CACNA1C: variants seen among roughly 807,000 people sequenced by gnomAD.
CACNA1C encodes the protein voltage-dependent L-type calcium channel subunit alpha-1C.
In CACNA1C, 30 loss-of-function variants were observed where a neutral mutation model predicts 229.0. The observed-to-expected ratio is 0.13, with a 90% confidence interval of 0.10 to 0.18. The LOEUF is 0.18. Among genes scored for constraint, CACNA1C ranks in the 10% least tolerant of loss-of-function variants. The pLI is 1.00. For missense variants in CACNA1C, 1,658 were observed against 2,845.0 expected (o/e 0.58, Z 9.49); for synonymous variants, 1,114 against 1,132.5 (o/e 0.98, Z 0.33).
intron 3 of CACNA1C, among the ~76,000 whole-genome samples, chr12:2,316,588 G>C (rs929538695): frequency 1.3e-5 from 2 of 152,182 alleles, no homozygotes; most frequent in African/African-American, 4.8e-5. Flanking sequence ...ACCGTGCCAG[G>C]CTTGGTCTCA....
At chr12:2,255,026 G>A (rs548000102) in intron 3 of CACNA1C, among the ~76,000 whole-genome samples, 5 of 152,292 alleles carry the variant, frequency 3.3e-5, no homozygotes, top group South Asian at 2.1e-4. Context: ...GGAAGCAGCT[G>A]TGATTCCCCG....
At chr12:2,622,682 G>T (rs999509660) in intron 29 of CACNA1C, among the ~76,000 whole-genome samples, 1 of 152,174 alleles carries the variant, frequency 6.6e-6, no homozygotes, top group Non-Finnish European at 1.5e-5. Context: ...AGGATAATGG[G>T]GGAGTGTACC....
chr12:2,652,271 C>G (rs1002606853), intron 32 of CACNA1C, among the ~76,000 whole-genome samples: 1 of 152,214 alleles, frequency 6.6e-6, no homozygotes, highest in African/African-American at 2.4e-5. Flanking sequence ...GTCCTCCGCT[C>G]GGCTAGAGAG....
chr12:2,523,295 A>G (rs1370056158), intron 9 of CACNA1C, among the ~76,000 whole-genome samples: 4 of 152,188 alleles, frequency 2.6e-5, no homozygotes, highest in Non-Finnish European at 5.9e-5. Flanking sequence ...GTCAAGCGCC[A>G]TCCCTTTGGA....
intron 3 of CACNA1C, among the ~76,000 whole-genome samples, chr12:2,256,229 C>G (rs944951150): frequency 2.0e-5 from 3 of 152,128 alleles, no homozygotes; most frequent in Non-Finnish European, 4.4e-5. Flanking sequence ...ACATTTTTAA[C>G]AAGCTTCATA....
chr12:2,587,347 C>T (rs1009841745), intron 18 of CACNA1C, among the ~76,000 whole-genome samples: 2 of 152,130 alleles, frequency 1.3e-5, no homozygotes. Flanking sequence ...AAATGAAAGA[C>T]AGTAATAAAA....
At chr12:2,176,373 C>T (rs2096644547) in intron 3 of CACNA1C, among the ~76,000 whole-genome samples, 1 of 152,040 alleles carries the variant, frequency 6.6e-6, no homozygotes, top group Non-Finnish European at 1.5e-5. Context: ...CCTTGGTTTT[C>T]CCCTGGATGA....
At chr12:2,327,396 AGG>A (rs2096361623) in intron 3 of CACNA1C, among the ~76,000 whole-genome samples, 1 of 152,250 alleles carries the variant, frequency 6.6e-6, no homozygotes, top group Non-Finnish European at 1.5e-5. Flanking sequence ...GTGGTTGATT[AGG>A]TTGCCTATCC....
chr12:2,036,626 C>T lies in CACNA1C; in HGVS notation c.139+65425C>T, dbSNP rs7975136. Among the ~76,000 whole-genome samples, 174 of 152,226 alleles carry T rather than the reference C, an allele frequency of 1.1e-3. 1 individual carries two copies. Among genetic ancestry groups the T allele is most frequent in the African/African-American group, 4.0e-3 (166 of 41,562 alleles). On this transcript the variant is annotated intron_variant, in intron 1 of 46. Coordinates refer to the CACNA1C transcript ENST00000682462. ...GATTACAGGCATGCGCCACCACGCC[C>T]GGCTAATTTTTGTCTTTTTAGTAGA... is the stretch of plus-strand genomic sequence containing the variant.
intron 1 of CACNA1C, among the ~76,000 whole-genome samples, chr12:2,111,604 A>C: frequency 6.6e-6 from 1 of 151,842 alleles, no homozygotes; most frequent in Non-Finnish European, 1.5e-5. Context: ...CCATGAGTGA[A>C]TTGGGGGCTG....
intron 5 of CACNA1C, among the ~76,000 whole-genome samples, chr12:2,462,229 ACC>A (rs2099511773): frequency 6.7e-6 from 1 of 150,348 alleles, no homozygotes; most frequent in African/African-American, 2.5e-5. Context: ...AGGCCTGCGC[ACC>A]TCCTTGGCCC....
chr12:2,035,797 A>G (rs1306378076), intron 1 of CACNA1C, among the ~76,000 whole-genome samples: 1 of 152,252 alleles, frequency 6.6e-6, no homozygotes, highest in Non-Finnish European at 1.5e-5. Context: ...ATTTTAAAAT[A>G]TCTCTGGGGA....
At chr12:2,593,459 C>A (rs2066454416) in intron 19 of CACNA1C, 114 bp downstream of exon 19, 1 of 1,085,404 alleles carries the variant, frequency 9.2e-7, no homozygotes, top group Non-Finnish European at 1.3e-6. Flanking sequence ...CAGCTCCTTG[C>A]AAATTGTATA....
intron 3 of CACNA1C, among the ~76,000 whole-genome samples, chr12:2,286,376 A>G (rs760758553): frequency 6.6e-6 from 1 of 152,236 alleles, no homozygotes; most frequent in African/African-American, 2.4e-5. Flanking sequence ...TTCCTAGAAC[A>G]TAATACTTGA....
At chr12:2,109,670 G>A (rs919250667) in intron 1 of CACNA1C, among the ~76,000 whole-genome samples, 4 of 152,200 alleles carry the variant, frequency 2.6e-5, no homozygotes, top group African/African-American at 4.8e-5. Context: ...TTTAAAAGGT[G>A]ACTTTGGCTG....
intron 25 of CACNA1C, 72 bp from the exon 26 acceptor site, chr12:2,606,912 A>T: frequency 6.5e-7 from 1 of 1,548,626 alleles, no homozygotes; most frequent in Non-Finnish European, 8.9e-7. Flanking sequence ...CCCAGCATTC[A>T]AGGTCACTGG....
At chr12:2,621,395 G>C (rs752954510) in intron 29 of CACNA1C, among the ~76,000 whole-genome samples, 3 of 152,164 alleles carry the variant, frequency 2.0e-5, no homozygotes, top group Non-Finnish European at 2.9e-5. Context: ...CGAGGCAGGG[G>C]CAAGCTCAGC....
At chr12:2,135,996 A>T (rs930011392) in intron 3 of CACNA1C, among the ~76,000 whole-genome samples, 21 of 150,382 alleles carry the variant, frequency 1.4e-4, no homozygotes, top group Admixed American at 1.1e-3. Context: ...CAGGTGTGGG[A>T]TATAGTCTCG....
intron 2 of CACNA1C, 109 bp downstream of exon 2, chr12:2,115,654 G>T: frequency 9.7e-7 from 1 of 1,033,044 alleles, no homozygotes; most frequent in East Asian, 2.5e-5. Context: ...GGCTACAAAC[G>T]GGGCCTCGGG....
Sources: gnomAD v4.1 joint callset for allele counts (sites outside exome capture counted in the v4.1 genomes callset) on GRCh38, gnomAD v4.1.1 for gene constraint, MANE v1.5 for transcripts, NCBI Gene and HGNC (gene_info 2026-07-23, HGNC 2026-07-21) for gene names.